CR1: variants seen among roughly 807,000 people sequenced by gnomAD.
CR1 encodes the protein complement receptor type 1.
A neutral mutation model predicts 187.3 loss-of-function variants in CR1; 116 were observed. The ratio of observed to expected loss-of-function variants is 0.62; its 90% CI spans 0.53 to 0.72. CR1 has a LOEUF of 0.72. CR1 is among the 30% of genes least tolerant of loss of function. The pLI, the probability that CR1 is intolerant of heterozygous loss-of-function variation, is 0.00. For synonymous variants in CR1, 576 were observed against 747.1 expected, an observed-to-expected ratio of 0.77 and a Z score of 3.73; for missense variants, 1,731 against 2,110.7, an observed-to-expected ratio of 0.82 and a Z score of 3.52.
chr1:207,590,601 C>T lies in CR1; in HGVS notation c.5810+1827C>T, dbSNP rs894291035. 3.3e-5 allele frequency among the ~76,000 whole-genome samples: 5 copies of T among 152,282 alleles called. No individual in the cohort carries two copies. The East Asian group carries it at 9.7e-4, about 29-fold the overall frequency. On this transcript the variant is annotated intron_variant, in intron 35 of 46. Coordinates refer to ENST00000367049, the MANE Select transcript of CR1 (RefSeq NM_000651.6). ...CATCATAATGACAGGATCAAATTTA[C>T]ACATAACAATTCTAACATTAAATGT...
intron 35 of CR1, among the ~76,000 whole-genome samples, chr1:207,605,085 C>G (rs539095738): frequency 2.6e-4 from 39 of 151,870 alleles, no homozygotes; most frequent in Non-Finnish European, 4.7e-4. Flanking sequence ...ATGGCAAAAC[C>G]CTGTCTCTAC....
chr1:207,515,257 A>G (rs1471757314), intron 4 of CR1, among the ~76,000 whole-genome samples: 3 of 147,978 alleles, frequency 2.0e-5, no homozygotes, highest in South Asian at 2.1e-4. Context: ...ATATAGGTAT[A>G]TACGTATACG....
intron 46 of CR1, among the ~76,000 whole-genome samples, 159 bp from the exon 47 acceptor site, chr1:207,639,238 A>G (rs879193902): frequency 6.6e-6 from 1 of 152,226 alleles, no homozygotes; most frequent in South Asian, 2.1e-4. Context: ...TCACAATTAT[A>G]ACATTTCCCT....
intron 40 of CR1, among the ~76,000 whole-genome samples, chr1:207,615,284 T>G (rs2102392482): frequency 6.6e-6 from 1 of 152,280 alleles, no homozygotes; most frequent in South Asian, 2.1e-4. Flanking sequence ...CTGGGATGTA[T>G]TTTCTTGTTG....
intron 36 of CR1, among the ~76,000 whole-genome samples, chr1:207,607,809 C>T (rs1661796851): frequency 6.6e-6 from 1 of 152,138 alleles, no homozygotes; most frequent in South Asian, 2.1e-4. Flanking sequence ...AGGCCCATGT[C>T]TTCAGTTGTA....
chr1:207,628,202 C>T (rs548094281), intron 45 of CR1, among the ~76,000 whole-genome samples: 3 of 152,260 alleles, frequency 2.0e-5, no homozygotes, highest in South Asian at 2.1e-4. Context: ...ATTTCCTCTG[C>T]ACCCTCCACC....
intron 35 of CR1, among the ~76,000 whole-genome samples, chr1:207,590,784 A>T (rs1243465855): frequency 6.6e-6 from 1 of 152,230 alleles, no homozygotes; most frequent in Non-Finnish European, 1.5e-5. Flanking sequence ...AAGCAAATGG[A>T]AAGCAAATAA....
intron 1 of CR1, among the ~76,000 whole-genome samples, chr1:207,505,257 A>G (rs1428665090): frequency 2.0e-5 from 3 of 152,084 alleles, no homozygotes; most frequent in Non-Finnish European, 4.4e-5. Context: ...GGGTTCAAGC[A>G]ATTCTCCTGC....
At chr1:207,627,978 T>C (rs1662531698) in intron 45 of CR1, among the ~76,000 whole-genome samples, 1 of 152,180 alleles carries the variant, frequency 6.6e-6, no homozygotes, top group Non-Finnish European at 1.5e-5. Context: ...GCTCTCATGA[T>C]CTAATTACTT....
At chr1:207,514,496 C>T (rs1363462197) in intron 4 of CR1, among the ~76,000 whole-genome samples, 2 of 152,040 alleles carry the variant, frequency 1.3e-5, no homozygotes, top group South Asian at 2.1e-4. Context: ...TAAAAGAGGC[C>T]CGGAAGAGCT....
At chr1:207,507,582 T>C (rs1251241030) in intron 3 of CR1, 1 of 152,206 alleles carries the variant, frequency 6.6e-6, no homozygotes, top group Non-Finnish European at 1.5e-5. Flanking sequence ...AAAGACCATA[T>C]TTCCAAATAA....
rs1406213894 is a variant in CR1, at chr1:207,584,688, G to A, written c.5342G>A (p.Arg1781Lys). 11 of 1,613,616 alleles carry A rather than the reference G, an allele frequency of 6.8e-6. No individual in the cohort carries two copies. Among genetic ancestry groups the A allele is most frequent in the South Asian group, 1.1e-5 (1 of 91,064 alleles). ...AATCCTCCAGCTATCCTTAATGGGAGACACACAGGAACTCCCTCTGGAGAT... is the reference window on the plus strand; with the variant it reads ...AATCCTCCAGCTATCCTTAATGGGAAACACACAGGAACTCCCTCTGGAGAT... ...CPNPPAILNG[R>K]HTGTPSGDIP... is the part of the protein sequence containing the mutation. Residue 1781 changes from arginine to lysine, a missense_variant, in exon 33 of 47, where the codon AGA becomes AAA. By Grantham distance (26) the Arg-to-Lys change is conservative (BLOSUM62 2). This residue lies in a region of CR1 where 1,312 missense variants were observed against 1,379.6 expected (regional missense o/e 0.95). Transcript: ENST00000367049.
chr1:207,581,949 T>G lies in CR1; in HGVS notation c.5248T>G (p.Cys1750Gly), dbSNP rs1271611232. 1 of 1,613,204 alleles carries G rather than the reference T, an allele frequency of 6.2e-7. No homozygotes were observed. The highest frequency in any genetic ancestry group is 2.2e-5 in the East Asian group (1 of 44,870). The change falls in exon 32 of 47, where the codon TGT becomes GGT. Residue 1750 changes from cysteine (C) to glycine (G), a missense_variant. By Grantham distance (159) the Cys-to-Gly change is radical (BLOSUM62 -3). Transcript: ENST00000367049. ...FRLKGSSVSH[C>G]VLVGMRSLWN... Reference sequence around the variant, plus strand: ...CTTAAAGGGCAGTTCCGTTAGTCATTGTGTCTTGGTTGGAATGAGAAGCCT... The same window carrying G: ...CTTAAAGGGCAGTTCCGTTAGTCATGGTGTCTTGGTTGGAATGAGAAGCCT...
rs752354880 is a variant in CR1 at position 207,506,771 on chromosome 1, G to C, written c.359G>C (p.Gly120Ala). The C allele has an allele frequency of 3.1e-6, 5 of 1,613,450 alleles. No homozygotes were observed. The highest frequency in any genetic ancestry group is 4.5e-5 in the East Asian group (2 of 44,882). ...AATGGCATGGTGCATGTGATCAAAG[G>C]CATCCAGTTCGGATCCCAAATTAAA... ...PVNGMVHVIK[G>A]IQFGSQIKYS... The change falls in exon 3 of 47, where the codon GGC (glycine) becomes GCC (alanine). Residue 120 changes from glycine to alanine, a missense_variant. Gly to Ala is a moderately conservative substitution (Grantham distance 60). Transcript: ENST00000367049.
intron 46 of CR1, among the ~76,000 whole-genome samples, chr1:207,632,531 G>A (rs1662674921): frequency 6.6e-6 from 1 of 152,198 alleles, no homozygotes. Context: ...GCTCACGCCT[G>A]TAATCCCAGC....
At chr1:207,617,600 T>G (rs1662170355) in intron 41 of CR1, among the ~76,000 whole-genome samples, 1 of 33,020 alleles carries the variant, frequency 3.0e-5, no homozygotes, top group Non-Finnish European at 6.0e-5. Context: ...TATATATATA[T>G]ATATATATAT....
At chr1:207,626,897 G>A (rs1339538648) in intron 45 of CR1, among the ~76,000 whole-genome samples, 1 of 152,162 alleles carries the variant, frequency 6.6e-6, no homozygotes, top group Non-Finnish European at 1.5e-5. Flanking sequence ...AATTAGCCTG[G>A]TGTAGTGGCA....
rs56173301 is a variant in CR1, at chr1:207,575,202, T to TACACACACAC, written c.4452-371_4452-362dup. ...TCTCAAGTAAAATGACATAGTATTA[T>TACACACACAC]ACACACACACACACACACACACACA... is the stretch of plus-strand genomic sequence containing the variant. On this transcript the variant is annotated intron_variant, in intron 27 of 46. Transcript: ENST00000367049. Among the ~76,000 whole-genome samples, 636 of 149,432 alleles carry TACACACACAC rather than the reference T, an allele frequency of 4.3e-3. 11 individuals carry two copies. The highest frequency in any genetic ancestry group is 0.03 in the South Asian group (139 of 4,640).
At chr1:207,598,547 G>A (rs1384876691) in intron 35 of CR1, among the ~76,000 whole-genome samples, 1 of 152,032 alleles carries the variant, frequency 6.6e-6, no homozygotes, top group Non-Finnish European at 1.5e-5. Flanking sequence ...AGCCTGCCGA[G>A]TAGCTGGGAC....
Sources: gnomAD v4.1 joint callset for allele counts (sites outside exome capture counted in the v4.1 genomes callset) on GRCh38, gnomAD v4.1.1 for gene constraint, gnomAD v4.1.1 regional missense constraint, MANE v1.5 for transcripts, NCBI Gene and HGNC (gene_info 2026-07-23, HGNC 2026-07-21) for gene names.